SYNE2: variants seen among roughly 807,000 people sequenced by gnomAD.
SYNE2 encodes nesprin-2.
A neutral mutation model predicts 856.3 loss-of-function variants in SYNE2; 431 were observed. That is an observed-to-expected ratio of 0.50 (90% CI 0.47 to 0.55). The LOEUF (loss-of-function observed/expected upper bound fraction) is 0.55, where lower values mean the gene tolerates loss of function less well. Among genes scored for constraint, SYNE2 ranks in the 20% least tolerant of loss-of-function variants. The pLI is 0.00. For synonymous variants in SYNE2, 2,923 were observed against 2,872.3 expected (o/e 1.02, Z -0.56); for missense variants, 8,129 against 8,023.2 (o/e 1.01, Z -0.50).
intron 46 of SYNE2, 39 bp downstream of exon 46, chr14:64,048,194 A>G: frequency 1.9e-6 from 3 of 1,599,054 alleles, no homozygotes; most frequent in Non-Finnish European, 1.7e-6. Context: ...TGATTGCATC[A>G]TTTATCCAGT....
intron 1 of SYNE2, among the ~76,000 whole-genome samples, chr14:63,807,137 C>T (rs1285948176): frequency 2.0e-5 from 3 of 152,022 alleles, no homozygotes; most frequent in Non-Finnish European, 4.4e-5. Context: ...GCCTGGACAA[C>T]ATGGTGAAAT....
At chr14:64,067,649 A>G (rs1306540813) in intron 51 of SYNE2, among the ~76,000 whole-genome samples, 2 of 152,222 alleles carry the variant, frequency 1.3e-5, no homozygotes, top group African/African-American at 2.4e-5. Flanking sequence ...ATATTAGCAG[A>G]CTTTTTTAAA....
chr14:64,068,285 A>G (rs776410849), intron 51 of SYNE2, among the ~76,000 whole-genome samples: 2 of 152,174 alleles, frequency 1.3e-5, no homozygotes, highest in East Asian at 3.9e-4. Context: ...CTTTGTGGTC[A>G]GTGCCTTCCA....
chr14:63,842,283 T>C (rs1442288382), intron 1 of SYNE2, among the ~76,000 whole-genome samples: 21 of 152,188 alleles, frequency 1.4e-4, no homozygotes, highest in Admixed American at 1.4e-3. Context: ...GCAATTCTTG[T>C]GACCCAGACT....
intron 55 of SYNE2, among the ~76,000 whole-genome samples, chr14:64,080,068 C>CGT (rs1387293760): frequency 1.3e-5 from 2 of 149,130 alleles, no homozygotes; most frequent in African/African-American, 5.1e-5. Flanking sequence ...TGTGTGTGCG[C>CGT]GTGCGTGTGT....
intron 1 of SYNE2, among the ~76,000 whole-genome samples, chr14:63,817,428 C>T (rs1889035649): frequency 6.6e-6 from 1 of 152,112 alleles, no homozygotes; most frequent in Admixed American, 6.6e-5. Context: ...GATCACTCCA[C>T]TGTACTCCAG....
intron 11 of SYNE2, among the ~76,000 whole-genome samples, chr14:63,969,574 C>T (rs61984108): frequency 0.014 from 2,166 of 151,992 alleles, 30 homozygotes; most frequent in Non-Finnish European, 0.022. Context: ...ATCTCCTGAC[C>T]TCGTGATCCA....
chr14:63,825,640 G>A (rs377018132), intron 1 of SYNE2, among the ~76,000 whole-genome samples: 4 of 152,102 alleles, frequency 2.6e-5, no homozygotes, highest in African/African-American at 9.7e-5. Context: ...TTGGGAGGCC[G>A]AGGCAGATGG....
chr14:64,013,278 T>G (rs1442838252), intron 32 of SYNE2, among the ~76,000 whole-genome samples: 1 of 152,166 alleles, frequency 6.6e-6, no homozygotes, highest in East Asian at 1.9e-4. Context: ...ATTTTTAAAT[T>G]TAATTGAACA....
At chr14:63,980,818 G>A (rs1396123818) in intron 15 of SYNE2, 86 bp downstream of exon 15, 3 of 1,183,830 alleles carry the variant, frequency 2.5e-6, no homozygotes, top group Non-Finnish European at 3.7e-6. Flanking sequence ...TAATGTTTTA[G>A]AAATTAGTTT....
chr14:64,209,261 C>T (rs980598546), intron 101 of SYNE2, 167 bp from the exon 102 acceptor site: 26 of 1,160,814 alleles, frequency 2.2e-5, no homozygotes, highest in African/African-American at 4.6e-5. Flanking sequence ...AGCTGCTTGG[C>T]GCTCCCAGGC....
At chr14:63,994,089 T>C in intron 22 of SYNE2, 120 bp downstream of exon 22, 1 of 1,016,182 alleles carries the variant, frequency 9.8e-7, no homozygotes, top group South Asian at 1.4e-5. Context: ...GGCTGGTCCC[T>C]GCAGGCTGAA....
chr14:64,163,492 A>T lies in SYNE2; in HGVS notation c.16390A>T (p.Thr5464Ser), dbSNP rs763628364. 1.9e-6 allele frequency: 3 copies of T among 1,614,008 alleles called. No individual in the cohort carries two copies. The highest frequency in any genetic ancestry group is 2.5e-6 in the Non-Finnish European group (3 of 1,180,030). ...ACTCCCACAACCCGCAGAGTCCAGC[A>T]CCCACATGCTCCTCCCGGGCCCCCT... ...DRLPQPAESS[T>S]HMLLPGPLHS... Residue 5464 changes from threonine to serine, a missense_variant, in exon 89 of 116, where the codon ACC becomes TCC. Physicochemically the swap from Thr to Ser is moderately conservative, Grantham distance 58. This residue lies in a region of SYNE2 where 5,410 missense variants were observed against 5,284.8 expected (regional missense o/e 1.02). Transcript: ENST00000555002.
intron 2 of SYNE2, among the ~76,000 whole-genome samples, chr14:63,918,151 G>C (rs984071425): frequency 6.6e-6 from 1 of 152,134 alleles, no homozygotes; most frequent in African/African-American, 2.4e-5. Flanking sequence ...AGAGCTTGAA[G>C]TAGTACATTA....
At chr14:64,225,229 T>C in intron 115 of SYNE2, 90 bp from the exon 116 acceptor site, 1 of 1,603,902 alleles carries the variant, frequency 6.2e-7, no homozygotes, top group Non-Finnish European at 8.5e-7. Flanking sequence ...AGGTCTTGGA[T>C]TTCTTACTTA....
At chr14:64,122,825 A>G (rs1015417685) in intron 70 of SYNE2, among the ~76,000 whole-genome samples, 1 of 152,194 alleles carries the variant, frequency 6.6e-6, no homozygotes, top group Non-Finnish European at 1.5e-5. Flanking sequence ...ACACTTGGCC[A>G]GGCGCGGTGG....
At chr14:64,103,067 G>A (rs1454277373) in intron 64 of SYNE2, among the ~76,000 whole-genome samples, 2 of 152,092 alleles carry the variant, frequency 1.3e-5, no homozygotes, top group Non-Finnish European at 2.9e-5. Context: ...GGACACTTCG[G>A]TTGCTTCTCT....
intron 18 of SYNE2, 62 bp from the exon 19 acceptor site, chr14:63,986,394 A>T (rs900811348): frequency 7.6e-6 from 12 of 1,586,550 alleles, no homozygotes; most frequent in Non-Finnish European, 8.6e-6. Context: ...CTTTTTGAAA[A>T]GGAAAATTAT....
chr14:64,133,282 T>C (rs1307490411), intron 77 of SYNE2, among the ~76,000 whole-genome samples: 2 of 152,134 alleles, frequency 1.3e-5, no homozygotes, highest in Non-Finnish European at 1.5e-5. Context: ...CTAACAAAAT[T>C]TATTTTCTAG....
Sources: allele counts gnomAD v4.1 joint callset (sites outside exome capture counted in the v4.1 genomes callset), GRCh38; gene constraint gnomAD v4.1.1; regional missense constraint gnomAD v4.1.1; transcripts MANE v1.5; gene names NCBI Gene and HGNC (gene_info 2026-07-23, HGNC 2026-07-21).